GRM7: variants seen among roughly 807,000 people sequenced by gnomAD.
The protein encoded by GRM7 is metabotropic glutamate receptor 7.
A neutral mutation model predicts 84.5 loss-of-function variants in GRM7; 35 were observed. The ratio of observed to expected loss-of-function variants is 0.41; its 90% CI spans 0.32 to 0.55. The LOEUF (loss-of-function observed/expected upper bound fraction) is 0.55. Among genes scored for constraint, GRM7 ranks in the 20% least tolerant of loss-of-function variants. The probability of loss-of-function intolerance (pLI) is 0.19; values close to 1 mark genes in which losing one functional copy is unlikely to be tolerated. For missense variants in GRM7, 1,003 were observed against 1,194.6 expected, an observed-to-expected ratio of 0.84 and a Z score of 2.36; for synonymous variants, 487 against 455.1, an observed-to-expected ratio of 1.07 and a Z score of -0.89.
At chr3:7,110,451 A>T (rs1692805452) in intron 1 of GRM7, among the ~76,000 whole-genome samples, 1 of 151,906 alleles carries the variant, frequency 6.6e-6, no homozygotes, top group Non-Finnish European at 1.5e-5. Context: ...AAATAAAAAA[A>T]CTAGCTAGGT....
intron 5 of GRM7, among the ~76,000 whole-genome samples, chr3:7,434,816 A>C (rs1277315027): frequency 6.6e-6 from 1 of 152,202 alleles, no homozygotes; most frequent in Non-Finnish European, 1.5e-5. Flanking sequence ...AAAATGAGTT[A>C]GAAAATGTCC....
intron 5 of GRM7, among the ~76,000 whole-genome samples, chr3:7,440,995 C>T (rs952716414): frequency 6.6e-6 from 1 of 152,162 alleles, no homozygotes; most frequent in East Asian, 1.9e-4. Context: ...AATTTATGTT[C>T]CTTTGGGTAT....
chr3:7,336,044 C>G (rs1420367080), intron 4 of GRM7, among the ~76,000 whole-genome samples: 2 of 151,806 alleles, frequency 1.3e-5, no homozygotes, highest in Non-Finnish European at 2.9e-5. Flanking sequence ...CTAAATCATT[C>G]TATGAAACCA....
At chr3:7,662,218 C>T (rs1699493383) in intron 8 of GRM7, among the ~76,000 whole-genome samples, 1 of 151,962 alleles carries the variant, frequency 6.6e-6, no homozygotes, top group African/African-American at 2.4e-5. Context: ...TTGCAGTGAG[C>T]AAAAGCGAAT....
At chr3:6,901,402 G>A (rs767957978) in intron 1 of GRM7, among the ~76,000 whole-genome samples, 43 of 151,844 alleles carry the variant, frequency 2.8e-4, no homozygotes, top group African/African-American at 4.8e-4. Flanking sequence ...GATCAAGACC[G>A]TCCTGGCCAA....
chr3:7,654,310 C>G (rs1283830138), intron 8 of GRM7, among the ~76,000 whole-genome samples: 2 of 152,202 alleles, frequency 1.3e-5, no homozygotes, highest in African/African-American at 4.8e-5. Flanking sequence ...ATAACAATGA[C>G]AAAGCACAGT....
At chr3:7,677,286 A>AAC (rs1700172035) in intron 8 of GRM7, among the ~76,000 whole-genome samples, 1 of 150,248 alleles carries the variant, frequency 6.7e-6, no homozygotes, top group African/African-American at 2.5e-5. Flanking sequence ...AAAAAAAAAA[A>AAC]AAAAAAAACT....
intron 9 of GRM7, among the ~76,000 whole-genome samples, chr3:7,705,546 C>G (rs1444240673): frequency 6.6e-6 from 1 of 152,270 alleles, no homozygotes; most frequent in Non-Finnish European, 1.5e-5. Flanking sequence ...AATTATGAAA[C>G]AAAGCTACAG....
chr3:7,502,491 A>T (rs1285018365), intron 7 of GRM7, among the ~76,000 whole-genome samples: 2 of 152,180 alleles, frequency 1.3e-5, no homozygotes, highest in African/African-American at 4.8e-5. Context: ...TCCAAGTCTA[A>T]GAACAAAATC....
Position 6,862,731 on chromosome 3 carries a change from C to T in GRM7, c.519+824C>T, listed in dbSNP as rs1016332916. The stretch of plus-strand genomic sequence containing the variant: ...CCTGCCTCCTCCCTCCTCCCCCCCG[C>T]CCCCCTCACCCACTATCTCCCTGAC... On this transcript the variant is annotated intron_variant, in intron 1 of 9. Transcript: ENST00000357716. This position sits in a 1 kb window ranked among gnomAD's most constrained non-coding sequence, Gnocchi z 5.2. 13 of 282,088 alleles carry T rather than the reference C, an allele frequency of 4.6e-5. No homozygotes were observed. The highest frequency in any genetic ancestry group is 2.8e-4 in the South Asian group (10 of 35,640). The allele number at this position is 282,088 out of a possible 1,614,324, so 17.5% of individuals were successfully genotyped here.
At chr3:6,907,543 G>A (rs1516568) in intron 1 of GRM7, among the ~76,000 whole-genome samples, 20,835 of 152,062 alleles carry the variant, frequency 0.14, 1,522 homozygotes, top group African/African-American at 0.19. Flanking sequence ...CACATTTTTC[G>A]TATCAGGAAC....
intron 1 of GRM7, among the ~76,000 whole-genome samples, chr3:7,085,541 T>C (rs961578397): frequency 1.3e-4 from 20 of 152,282 alleles, no homozygotes; most frequent in African/African-American, 3.8e-4. Context: ...GCTTCCATAT[T>C]GGCAAACTAA....
chr3:7,564,266 A>C (rs1226256571), intron 7 of GRM7, among the ~76,000 whole-genome samples: 2 of 152,202 alleles, frequency 1.3e-5, no homozygotes, highest in East Asian at 3.9e-4. Flanking sequence ...GTCAGACAAC[A>C]TGCTTCCATA....
At chr3:7,527,643 G>A (rs1428539839) in intron 7 of GRM7, among the ~76,000 whole-genome samples, 6 of 151,738 alleles carry the variant, frequency 4.0e-5, no homozygotes, top group African/African-American at 1.5e-4. Context: ...TGTTGCTGTT[G>A]TAGTATGATA....
chr3:7,075,038 G>C (rs762853855), intron 1 of GRM7, among the ~76,000 whole-genome samples: 7 of 152,096 alleles, frequency 4.6e-5, no homozygotes, highest in East Asian at 1.9e-4. Flanking sequence ...GGTCTCTTTC[G>C]GTCAGTCTGT....
intron 4 of GRM7, among the ~76,000 whole-genome samples, chr3:7,330,691 C>T (rs1026407060): frequency 2.0e-5 from 3 of 152,202 alleles, no homozygotes; most frequent in Admixed American, 6.5e-5. Context: ...ATTTCACCTT[C>T]CACCATGATT....
At chr3:6,931,276 A>G (rs776431031) in intron 1 of GRM7, among the ~76,000 whole-genome samples, 38 of 152,296 alleles carry the variant, frequency 2.5e-4, no homozygotes, top group Non-Finnish European at 5.0e-4. Flanking sequence ...TTGTCTAGCC[A>G]TAGTGGAGAA....
At chr3:7,104,918 C>A (rs1347179809) in intron 1 of GRM7, among the ~76,000 whole-genome samples, 1 of 151,682 alleles carries the variant, frequency 6.6e-6, no homozygotes, top group Non-Finnish European at 1.5e-5. Flanking sequence ...CAATATAATA[C>A]AAAATATATA....
chr3:7,385,991 T>C (rs995115883), intron 4 of GRM7, among the ~76,000 whole-genome samples: 1 of 152,236 alleles, frequency 6.6e-6, no homozygotes, highest in East Asian at 1.9e-4. Flanking sequence ...TACAGTCTGA[T>C]TGCATTTACA....
Sources: allele counts gnomAD v4.1 joint callset (sites outside exome capture counted in the v4.1 genomes callset), GRCh38; gene constraint gnomAD v4.1.1; non-coding constraint Gnocchi (gnomAD v3.1); transcripts MANE v1.5; gene names NCBI Gene and HGNC (gene_info 2026-07-23, HGNC 2026-07-21).